ARHGAP45: variants seen among roughly 807,000 people sequenced by gnomAD.
ARHGAP45 encodes rho GTPase-activating protein 45.
Under a neutral mutation model 116.1 loss-of-function variants are expected in ARHGAP45, and 56 were observed. The ratio of observed to expected loss-of-function variants is 0.48; its 90% CI spans 0.39 to 0.60. The LOEUF (loss-of-function observed/expected upper bound fraction) is 0.60. Among genes scored for constraint, ARHGAP45 ranks in the 20% least tolerant of loss-of-function variants. The pLI is 0.00. For missense variants in ARHGAP45, 1,622 were observed against 1,601.0 expected, an observed-to-expected ratio of 1.01 and a Z score of -0.22; for synonymous variants, 866 against 701.7, an observed-to-expected ratio of 1.23 and a Z score of -3.70.
At chr19:1,066,285 G>T, upstream of ARHGAP45, 1 of 763,192 alleles carries the variant, frequency 1.3e-6, no homozygotes, top group Non-Finnish European at 2.0e-6. Flanking sequence ...TGCGGGGTGG[G>T]GGTTGGGGGA....
Position 1,079,766 on chromosome 19 carries a change from C to A in ARHGAP45, c.1438C>A (p.Leu480Met), listed in dbSNP as rs774330914. 3.7e-6 allele frequency: 6 copies of A among 1,612,378 alleles called. No homozygotes were observed. The highest frequency in any genetic ancestry group is 5.1e-6 in the Non-Finnish European group (6 of 1,179,622). The change falls in exon 12 of 23, where the codon CTG becomes ATG. Residue 480 changes from leucine to methionine, a missense_variant. This residue lies in a region of ARHGAP45 where 1,334 missense variants were observed against 1,263.8 expected (regional missense o/e 1.06). Coordinates refer to ENST00000313093, the MANE Select transcript of ARHGAP45 (RefSeq NM_012292.5). ...CGACGCGAAGACGCAGAAGCAGGAGCTGGAGGATACCAAGGTGACGGCGCT... is the reference window on the plus strand; with the variant it reads ...CGACGCGAAGACGCAGAAGCAGGAGATGGAGGATACCAAGGTGACGGCGCT... ...VADAKTQKQE[L>M]EDTKVTALRQ...
Position 1,081,839 on chromosome 19 carries a change from A to T in ARHGAP45, c.2395A>T (p.Asn799Tyr). Residue 799 changes from asparagine to tyrosine, a missense_variant, in exon 19 of 23, where the codon AAT becomes TAT. Around this residue, in one of 3 missense-constraint regions of ARHGAP45, gnomAD observed 1,334 missense variants for 1,263.8 expected, o/e 1.06. Coordinates refer to ENST00000313093, the MANE Select transcript of ARHGAP45 (RefSeq NM_012292.5). ...ALRTKGIYRVNGVKTRVEKLC... is the reference protein window; with the variant it reads ...ALRTKGIYRVYGVKTRVEKLC... ...GCTCCCGCAGGGCATCTACCGGGTC[A>T]ATGGGGTAAAGACACGCGTGGAGAA... The T allele has an allele frequency of 6.2e-7, 1 of 1,610,810 alleles. No individual in the cohort carries two copies. The highest frequency in any genetic ancestry group is 8.5e-7 in the Non-Finnish European group (1 of 1,178,992).
chr19:1,082,033 G>A, intron 19 of ARHGAP45, 72 bp downstream of exon 19: 13 of 1,533,728 alleles, frequency 8.5e-6, no homozygotes, highest in Non-Finnish European at 1.1e-5. Flanking sequence ...CGGGGTGGGG[G>A]TCCGGGAGCT....
chr19:1,082,573 G>A lies in ARHGAP45; in HGVS notation c.2518-267G>A, dbSNP rs111703950. ...GGGAAGGGGTCAGACTATGCTGAGT[G>A]GAGCCGGAGCTCGTTAGGGTACCTG... On this transcript the variant is annotated intron_variant, in intron 19 of 22. Coordinates refer to ENST00000313093, the MANE Select transcript of ARHGAP45 (RefSeq NM_012292.5). 3.0e-3 allele frequency: 1,532 copies of A among 514,176 alleles called. 28 individuals are homozygous for A. The highest frequency in any genetic ancestry group is 0.027 in the African/African-American group (1,333 of 49,680). The allele number at this position is 514,176 out of a possible 1,614,324, so 31.9% of individuals were successfully genotyped here.
chr19:1,077,208 A>T (rs2145048352), intron 10 of ARHGAP45: 1 of 985,342 alleles, frequency 1.0e-6, no homozygotes, highest in Non-Finnish European at 1.2e-6. Flanking sequence ...AAGTGAAAGC[A>T]AAAGAGCCCG....
Position 1,081,147 on chromosome 19 carries a change from G to A in ARHGAP45, c.2190+83G>A, listed in dbSNP as rs1367946300. 9 of 1,440,002 alleles carry A rather than the reference G, an allele frequency of 6.2e-6. 1 individual carries two copies. The highest frequency in any genetic ancestry group is 8.4e-6 in the Non-Finnish European group (9 of 1,066,190). The allele number at this position is 1,440,002 out of a possible 1,614,324, so 89.2% of individuals were successfully genotyped here. ...GCACCGCCGGCCTGTGTGCCCTCAG[G>A]AATGTCCGGCCCAGAGCAGGGAGCA... On this transcript the variant is annotated intron_variant, in intron 17 of 22. Transcript: ENST00000313093.
intron 22 of ARHGAP45, among the ~76,000 whole-genome samples, chr19:1,085,057 G>A (rs2079157): frequency 0.25 from 38,562 of 152,098 alleles, 5,170 homozygotes; most frequent in African/African-American, 0.32. Context: ...ACTCCAGCCC[G>A]GGCAAGAGAG....
In ARHGAP45 at chr19:1,081,995, G is replaced by T. The variant is rs1416196260; in HGVS notation, c.2517+34G>T. On this transcript the variant is annotated intron_variant, in intron 19 of 22. Transcript: ENST00000313093. ...CACCGGTGGTGGCCAGGCAGAGCCTGGAAGGGGCGTAGCCAGGCAGGAGGA... is the reference window on the plus strand; with the variant it reads ...CACCGGTGGTGGCCAGGCAGAGCCTTGAAGGGGCGTAGCCAGGCAGGAGGA... 3 of 1,600,522 alleles carry T rather than the reference G, an allele frequency of 1.9e-6. 1 individual carries two copies. The South Asian group carries it at 3.3e-5, about 18-fold the overall frequency.
chr19:1,073,551 A>G lies in ARHGAP45; in HGVS notation c.611A>G (p.Glu204Gly). 6.2e-7 allele frequency: 1 copy of G among 1,614,024 alleles called. No individual in the cohort carries two copies. The highest frequency in any genetic ancestry group is 8.5e-7 in the Non-Finnish European group (1 of 1,179,972). Reference sequence around the variant, plus strand: ...AATGATCTGGAGAAACAGGAGTTCGAGAAGGCCCTGGAGACGATTGCTGTG... The same window carrying G: ...AATGATCTGGAGAAACAGGAGTTCGGGAAGGCCCTGGAGACGATTGCTGTG... ...SNNDLEKQEFEKALETIAVAF... is the reference protein window; with the variant it reads ...SNNDLEKQEFGKALETIAVAF... Residue 204 changes from glutamate (E) to glycine (G), a missense_variant, in exon 4 of 23, where the codon GAG (glutamate) becomes GGG (glycine). Glu to Gly is a moderately conservative substitution (Grantham distance 98, BLOSUM62 -2). This residue lies in a region of ARHGAP45 where 279 missense variants were observed against 311.9 expected (regional missense o/e 0.89). Coordinates refer to ENST00000313093, the MANE Select transcript of ARHGAP45 (RefSeq NM_012292.5).
chr19:1,067,071 C>T (rs909300087), upstream of ARHGAP45: 60 of 720,280 alleles, frequency 8.3e-5, 1 homozygote, highest in Middle Eastern at 1.8e-3. Context: ...CTCCCGGTCC[C>T]ACCCCGCGAG....
In ARHGAP45 at chr19:1,078,054, G is replaced by C; in HGVS notation, c.1374+9G>C. ...AGGAGGCCAAGAACAAGGTGAGGGC[G>C]GGTGGAGGCAGGGCTGGAGGTCCCT... On this transcript the variant is annotated intron_variant, in intron 11 of 22. Transcript: ENST00000313093. 6.5e-7 allele frequency: 1 copy of C among 1,546,284 alleles called. No homozygotes were observed. Among genetic ancestry groups the C allele is most frequent in the Non-Finnish European group, 8.8e-7 (1 of 1,141,134 alleles).
At chr19:1,081,463 C>CG (rs34275968) in intron 17 of ARHGAP45, 87 bp from the exon 18 acceptor site, 590,788 of 1,288,514 alleles carry the variant, frequency 0.46, 138,889 homozygotes, top group Middle Eastern at 0.47. Flanking sequence ...GGGCTGTGAG[C>CG]GCCCCGGGGA....
chr19:1,076,224 C>T (rs1425584163), intron 10 of ARHGAP45, among the ~76,000 whole-genome samples: 2 of 152,184 alleles, frequency 1.3e-5, no homozygotes, highest in Non-Finnish European at 2.9e-5. Context: ...GAGCTACCCT[C>T]CCAGGCCACA....
rs1599778708 is a variant in ARHGAP45, at chr19:1,085,438, T to C, written c.3065-222T>C. Reference sequence around the variant, plus strand: ...CCCTATCAACACCTCTCTCCTTCCGTTTCTCCCCTTGTCTCTCTCTCCTCC... The same window carrying C: ...CCCTATCAACACCTCTCTCCTTCCGCTTCTCCCCTTGTCTCTCTCTCCTCC... On this transcript the variant is annotated intron_variant, in intron 22 of 22. Transcript: ENST00000313093. 2.0e-5 allele frequency among the ~76,000 whole-genome samples: 3 copies of C among 151,614 alleles called. No homozygotes were observed. The East Asian group carries it at 5.8e-4, about 29-fold the overall frequency.
At chr19:1,067,074 C>G, upstream of ARHGAP45, 1 of 766,476 alleles carries the variant, frequency 1.3e-6, no homozygotes, top group South Asian at 5.9e-5. Flanking sequence ...CCGGTCCCAC[C>G]CCGCGAGCGG....
rs2043115624 is a variant in ARHGAP45 at position 1,070,303 on chromosome 19, TTTTTTCTTTC to T, written c.421+1569_421+1578del. Reference sequence around the variant, plus strand: ...TGAGCCACCGTGCCCGGGCTTTTCTTTTTTTCTTTCTTTTTCTTTTCTTTTCTTTTTTTTT... The same window carrying T: ...TGAGCCACCGTGCCCGGGCTTTTCTTTTTTTCTTTTCTTTTCTTTTTTTTT... On this transcript the variant is annotated intron_variant, in intron 2 of 22. Transcript: ENST00000313093. Among the ~76,000 whole-genome samples the T allele has an allele frequency of 3.4e-5, 5 of 149,200 alleles. No individual in the cohort carries two copies. In the South Asian group the frequency reaches 1.1e-3, roughly 32 times the overall value.
chr19:1,066,292 G>C, upstream of ARHGAP45: 2 of 808,824 alleles, frequency 2.5e-6, 1 homozygote, highest in Non-Finnish European at 3.8e-6. Flanking sequence ...TGGGGGTTGG[G>C]GGAAGGTAGG....
In ARHGAP45 at chr19:1,079,993, G is replaced by A; in HGVS notation, c.1578G>A (p.Met526Ile). 6.2e-7 allele frequency: 1 copy of A among 1,612,946 alleles called. No individual in the cohort carries two copies. The highest frequency in any genetic ancestry group is 8.5e-7 in the Non-Finnish European group (1 of 1,179,904). The change falls in exon 13 of 23, where the codon ATG (methionine) becomes ATA (isoleucine). Residue 526 changes from methionine to isoleucine, a missense_variant. Met to Ile is a conservative substitution (Grantham distance 10). Transcript: ENST00000313093. ...CGCCGCTGCCCGTGCACTTCCAGAT[G>A]CTGTGTGAGAGCAGCAAGCTGTATG... ...QTAPLPVHFQ[M>I]LCESSKLYDP...
Position 1,080,273 on chromosome 19 carries a change from C to A in ARHGAP45, c.1722C>A (p.Ala574=). Residue 574 remains alanine (A), a synonymous_variant, in exon 14 of 23, where the codon GCC becomes GCA. Transcript: ENST00000313093. ...CCACTAGGTCCCCCGTCATGCGTGC[C>A]CGGAAGAGCAGCTTCAACGTGAGTG... The part of the protein sequence containing the change: ...SANAWSPVMR[A]RKSSFNVSDV... The A allele has an allele frequency of 6.2e-7, 1 of 1,612,688 alleles. No individual in the cohort carries two copies.
Sources: gnomAD v4.1 joint callset for allele counts (sites outside exome capture counted in the v4.1 genomes callset) on GRCh38, gnomAD v4.1.1 for gene constraint, gnomAD v4.1.1 regional missense constraint, MANE v1.5 for transcripts, NCBI Gene and HGNC (gene_info 2026-07-23, HGNC 2026-07-21) for gene names.